The following NEK7 variants were observed in gnomAD, a reference collection of about 807,000 sequenced individuals.
NEK7 encodes serine/threonine-protein kinase Nek7.
In NEK7, 18 loss-of-function variants were observed where a neutral mutation model predicts 44.6. The ratio of observed to expected loss-of-function variants is 0.40; its 90% CI spans 0.28 to 0.60. NEK7 has a LOEUF of 0.60. NEK7 is among the 20% of genes least tolerant of loss of function. NEK7 has a pLI of 0.38. For missense variants in NEK7, 256 were observed against 366.5 expected (o/e 0.70, Z 2.46); for synonymous variants, 130 against 121.1 (o/e 1.07, Z -0.48).
chr1:198,229,292 A>C (rs2359371), intron 1 of NEK7, among the ~76,000 whole-genome samples: 77,991 of 152,004 alleles, frequency 0.51, 23,299 homozygotes, highest in East Asian at 0.9. Context: ...AAGCTCTGCA[A>C]CCCTTCCCTC....
At chr1:198,312,568 G>A (rs1655223557) in intron 9 of NEK7, among the ~76,000 whole-genome samples, 1 of 151,814 alleles carries the variant, frequency 6.6e-6, no homozygotes, top group South Asian at 2.1e-4. Flanking sequence ...TTTCTCTTGT[G>A]GGCATTTAGT....
chr1:198,225,081 G>A (rs984223483), intron 1 of NEK7, among the ~76,000 whole-genome samples: 8 of 151,910 alleles, frequency 5.3e-5, no homozygotes, highest in Non-Finnish European at 8.8e-5. Context: ...GGTGGCTCAC[G>A]CCTGAAATCT....
At chr1:198,241,947 A>G (rs1440597259) in intron 2 of NEK7, among the ~76,000 whole-genome samples, 2 of 152,072 alleles carry the variant, frequency 1.3e-5, no homozygotes, top group African/African-American at 2.4e-5. Context: ...TCCATATCGT[A>G]TCTTTTATTA....
chr1:198,321,915 A>G lies in NEK7; in HGVS notation c.*2393A>G, dbSNP rs1426831858. 1 of 152,118 alleles carries G rather than the reference A, an allele frequency of 6.6e-6. No individual in the cohort carries two copies. The highest frequency in any genetic ancestry group is 2.4e-5 in the African/African-American group (1 of 41,442). 9.4% of individuals were successfully genotyped at this position (152,118 alleles called of 1,614,324 possible). On this transcript the variant is annotated 3_prime_UTR_variant, in exon 10 of 10. Coordinates refer to ENST00000367385, the MANE Select transcript of NEK7 (RefSeq NM_133494.3). ...GAAAGCTATATCTATTCTAAACCTT[A>G]TTTAGACATTGGTACCAGTTACCCA...
At position 198,224,808 on chromosome 1, in the gene NEK7, T is replaced by C. The variant is rs183886650; in HGVS notation, c.-28-7745T>C. ...TTTAGAGACCTCAGGTAAAGAAATG[T>C]GGAGACCTAAAAGTTTGAGAATTGT... On this transcript the variant is annotated intron_variant, in intron 1 of 9. Transcript: ENST00000367385. 2.0e-5 allele frequency among the ~76,000 whole-genome samples: 3 copies of C among 152,220 alleles called. No individual in the cohort carries two copies. In the East Asian group the frequency reaches 5.8e-4, roughly 29 times the overall value.
chr1:198,171,959 TCTGTC>T (rs1664458783), intron 1 of NEK7, among the ~76,000 whole-genome samples: 1 of 152,206 alleles, frequency 6.6e-6, no homozygotes, highest in African/African-American at 2.4e-5. Context: ...AGTGATGGTG[TCTGTC>T]ATCATACTTG....
At chr1:198,212,123 C>T (rs1426875540) in intron 1 of NEK7, among the ~76,000 whole-genome samples, 2 of 152,208 alleles carry the variant, frequency 1.3e-5, no homozygotes, top group Admixed American at 6.5e-5. Context: ...GGGGACCTCA[C>T]GGAAGTCAGC....
At chr1:198,215,479 TTTTTA>T (rs1464400741) in intron 1 of NEK7, among the ~76,000 whole-genome samples, 2 of 152,196 alleles carry the variant, frequency 1.3e-5, no homozygotes, top group African/African-American at 4.8e-5. Context: ...TATTTTTGCA[TTTTTA>T]TTTTATTTAT....
intron 3 of NEK7, among the ~76,000 whole-genome samples, chr1:198,260,368 A>G (rs184057269): frequency 4.0e-5 from 6 of 151,770 alleles, no homozygotes; most frequent in African/African-American, 1.2e-4. Context: ...CTTACTAGAT[A>G]GTTTATGTGA....
intron 3 of NEK7, among the ~76,000 whole-genome samples, chr1:198,258,254 C>A (rs1001016603): frequency 2.6e-5 from 4 of 152,140 alleles, no homozygotes; most frequent in African/African-American, 9.7e-5. Context: ...TCCTGGCCAA[C>A]ATGGTGAAAC....
intron 1 of NEK7, among the ~76,000 whole-genome samples, chr1:198,191,044 T>G (rs1665059048): frequency 6.6e-6 from 1 of 151,942 alleles, no homozygotes; most frequent in African/African-American, 2.4e-5. Context: ...TTACAAAATA[T>G]TTTTTTTCTA....
intron 1 of NEK7, among the ~76,000 whole-genome samples, chr1:198,187,229 C>G (rs1256716322): frequency 6.6e-6 from 1 of 152,126 alleles, no homozygotes; most frequent in Non-Finnish European, 1.5e-5. Flanking sequence ...TCTAAACAGT[C>G]CAATTATGTG....
chr1:198,176,327 A>G (rs1201141091), intron 1 of NEK7, among the ~76,000 whole-genome samples: 1 of 152,266 alleles, frequency 6.6e-6, no homozygotes, highest in Non-Finnish European at 1.5e-5. Flanking sequence ...AAAAAAGGCT[A>G]CCTGAGTACC....
chr1:198,287,247 C>T (rs1331365499), intron 7 of NEK7, among the ~76,000 whole-genome samples: 2 of 151,842 alleles, frequency 1.3e-5, no homozygotes, highest in Non-Finnish European at 2.9e-5. Flanking sequence ...TTTGGGAGGC[C>T]GAAGCGGGTG....
chr1:198,267,429 CTATTT>C (rs1214998000), intron 5 of NEK7, among the ~76,000 whole-genome samples: 1 of 151,680 alleles, frequency 6.6e-6, no homozygotes, highest in Non-Finnish European at 1.5e-5. Context: ...AGGTGTGTTG[CTATTT>C]TATTTTATTT....
intron 1 of NEK7, among the ~76,000 whole-genome samples, chr1:198,199,797 CA>C (rs1011129280): frequency 6.6e-5 from 10 of 151,774 alleles, no homozygotes; most frequent in African/African-American, 2.4e-4. Flanking sequence ...TTTCATCTTT[CA>C]AAAAATGTTT....
intron 2 of NEK7, among the ~76,000 whole-genome samples, chr1:198,239,196 TA>T (rs2102888654): frequency 6.6e-6 from 1 of 152,342 alleles, no homozygotes; most frequent in South Asian, 2.1e-4. Context: ...TACATTTTAT[TA>T]TATTCCTCGC....
At chr1:198,315,019 C>T (rs1198537570) in intron 9 of NEK7, among the ~76,000 whole-genome samples, 1 of 152,190 alleles carries the variant, frequency 6.6e-6, no homozygotes, top group Non-Finnish European at 1.5e-5. Context: ...ATGGCGGGCG[C>T]CCCTCCCCCA....
chr1:198,276,543 A>G (rs1000616818), intron 5 of NEK7, among the ~76,000 whole-genome samples: 5 of 151,730 alleles, frequency 3.3e-5, no homozygotes, highest in Non-Finnish European at 7.4e-5. Context: ...GTCTGCAATT[A>G]AAAAGACTTA....
Sources: gnomAD v4.1 joint callset for allele counts (sites outside exome capture counted in the v4.1 genomes callset) on GRCh38, gnomAD v4.1.1 for gene constraint, MANE v1.5 for transcripts, NCBI Gene and HGNC (gene_info 2026-07-23, HGNC 2026-07-21) for gene names.